The following NME7 variants were observed in gnomAD, a reference collection of about 807,000 sequenced individuals.
NME7 encodes the protein NME/NM23 family member 7.
In NME7, 41 loss-of-function variants were observed where a neutral mutation model predicts 49.1. The observed-to-expected ratio is 0.83, with a 90% CI of 0.65 to 1.08. NME7 has a LOEUF of 1.08. NME7 is among the 50% of genes least tolerant of loss of function. The probability of loss-of-function intolerance (pLI) is 0.00; values close to 1 mark genes in which losing one functional copy is unlikely to be tolerated. For synonymous variants in NME7, 139 were observed against 150.6 expected (o/e 0.92, Z 0.56); for missense variants, 423 against 463.4 (o/e 0.91, Z 0.80).
At chr1:169,239,104 G>C (rs1255773218) in intron 7 of NME7, among the ~76,000 whole-genome samples, 1 of 151,942 alleles carries the variant, frequency 6.6e-6, no homozygotes, top group African/African-American at 2.4e-5. Flanking sequence ...CAACAAAAAT[G>C]TTGAGTGAGA....
rs1184542802 is a variant in NME7 at position 169,262,196 on chromosome 1, T to C, written c.755-24509A>G. Among the ~76,000 whole-genome samples, 4 of 133,728 alleles carry C rather than the reference T, an allele frequency of 3.0e-5. 2 individuals are homozygous for C. The highest frequency in any genetic ancestry group is 7.0e-5 in the Non-Finnish European group (4 of 56,932). 87.7% of individuals were successfully genotyped at this position (133,728 alleles called of 152,430 possible). On this transcript the variant is annotated intron_variant, in intron 7 of 11. Coordinates refer to ENST00000367811, the MANE Select transcript of NME7 (RefSeq NM_013330.5). ...CCATCCGGTAAAGAAGCTCAGGCTA[T>C]ACTACTGAATGATGAGAGGCCACAT...
chr1:169,228,266 A>T (rs1165852981), intron 10 of NME7, among the ~76,000 whole-genome samples: 3 of 152,180 alleles, frequency 2.0e-5, no homozygotes, highest in Non-Finnish European at 4.4e-5. Flanking sequence ...TATTGAATAA[A>T]TGAGAGAACA....
intron 10 of NME7, among the ~76,000 whole-genome samples, chr1:169,224,876 A>C (rs534759088): frequency 1.3e-5 from 2 of 152,300 alleles, no homozygotes; most frequent in Non-Finnish European, 2.9e-5. Flanking sequence ...AGTAAAATTT[A>C]ACAGGTGATA....
At chr1:169,277,534 G>T (rs1348139525) in intron 7 of NME7, among the ~76,000 whole-genome samples, 123 of 87,314 alleles carry the variant, frequency 1.4e-3, no homozygotes, top group South Asian at 0.011. Context: ...TTTTCCATTT[G>T]CTTGGTAGAT....
In NME7 at chr1:169,273,014, T is replaced by C. The variant is rs539553885; in HGVS notation, c.754+14289A>G. The stretch of plus-strand genomic sequence containing the variant: ...CGAACTGGCGTGAGATGGTATCTCA[T>C]TGTGGTTTTGACTTGCATTTCTTTA... On this transcript the variant is annotated intron_variant, in intron 7 of 11. Coordinates refer to ENST00000367811, the MANE Select transcript of NME7 (RefSeq NM_013330.5). Among the ~76,000 whole-genome samples the C allele has an allele frequency of 1.4e-4, 19 of 134,000 alleles. 2 individuals are homozygous for C. The highest frequency in any genetic ancestry group is 4.8e-4 in the African/African-American group (19 of 39,714). 87.9% of individuals were successfully genotyped at this position (134,000 alleles called of 152,430 possible). A position where few individuals can be genotyped will look rare whatever the true frequency, so the allele number is the denominator to read the frequency against.
chr1:169,154,791 C>CT (rs1659019639), intron 11 of NME7, among the ~76,000 whole-genome samples: 1 of 147,410 alleles, frequency 6.8e-6, no homozygotes, highest in Non-Finnish European at 1.5e-5. Context: ...GAGCAAGACT[C>CT]TGTCTAAAAA....
At chr1:169,243,644 T>C (rs757169882) in intron 7 of NME7, among the ~76,000 whole-genome samples, 45 of 152,170 alleles carry the variant, frequency 3.0e-4, no homozygotes, top group Admixed American at 9.2e-4. Flanking sequence ...TCTTTCACCA[T>C]GTAAAGGCAC....
intron 11 of NME7, among the ~76,000 whole-genome samples, chr1:169,163,920 C>T (rs1659322661): frequency 6.6e-6 from 1 of 152,044 alleles, no homozygotes; most frequent in Admixed American, 6.6e-5. Flanking sequence ...ACCATCCTGG[C>T]TAACATGGCA....
rs1651920512 is a variant in NME7, at chr1:169,323,182, T to C, written c.213A>G (p.Arg71=). Residue 71 remains arginine (R), a synonymous_variant, in exon 3 of 12, where the codon CGA becomes CGG. Coordinates refer to ENST00000367811, the MANE Select transcript of NME7 (RefSeq NM_013330.5). The part of the protein sequence containing the change: ...FIGNKVNVFS[R]QLVLIDYGDQ... ...CCCCATAGTCAATTAATACCAGTTG[T>C]CGAGAAAAGACATTCACTTTGTTGC... The C allele has an allele frequency of 5.0e-6, 8 of 1,609,178 alleles. No homozygotes were observed. The highest frequency in any genetic ancestry group is 6.8e-6 in the Non-Finnish European group (8 of 1,177,852).
chr1:169,179,486 C>A (rs1054308943), intron 10 of NME7, among the ~76,000 whole-genome samples: 2 of 152,120 alleles, frequency 1.3e-5, no homozygotes, highest in African/African-American at 4.8e-5. Flanking sequence ...ATAAACTGTT[C>A]TATTATAAAG....
intron 6 of NME7, 113 bp from the exon 7 acceptor site, chr1:169,287,521 A>AT (rs1417028030): frequency 3.0e-5 from 24 of 809,224 alleles, no homozygotes; most frequent in South Asian, 7.3e-5. Context: ...CATCATATAA[A>AT]TTTTTTGTTT....
At chr1:169,238,477 GCA>G (rs138287537) in intron 7 of NME7, among the ~76,000 whole-genome samples, 8,072 of 123,938 alleles carry the variant, frequency 0.065, 253 homozygotes, top group Middle Eastern at 0.086. Context: ...ATGCACAAAG[GCA>G]CACACACACA....
chr1:169,202,668 T>C (rs1257974319), intron 10 of NME7, among the ~76,000 whole-genome samples: 1 of 152,162 alleles, frequency 6.6e-6, no homozygotes, highest in African/African-American at 2.4e-5. Flanking sequence ...TGAAGAATGA[T>C]GAGGTTAATA....
intron 7 of NME7, among the ~76,000 whole-genome samples, chr1:169,283,599 A>G (rs1345021780): frequency 6.6e-6 from 1 of 151,968 alleles, no homozygotes; most frequent in Non-Finnish European, 1.5e-5. Flanking sequence ...GTTCCTTTTC[A>G]TATTTAGTGC....
At chr1:169,350,986 T>C (rs1653152695) in intron 1 of NME7, among the ~76,000 whole-genome samples, 1 of 152,016 alleles carries the variant, frequency 6.6e-6, no homozygotes, top group African/African-American at 2.4e-5. Flanking sequence ...TTTTCTTTCT[T>C]TTTTTTCTTT....
intron 11 of NME7, among the ~76,000 whole-genome samples, chr1:169,136,648 C>T (rs921741085): frequency 1.3e-5 from 2 of 152,202 alleles, no homozygotes; most frequent in African/African-American, 2.4e-5. Context: ...ATTCATGTAA[C>T]ATATTCAACA....
intron 10 of NME7, among the ~76,000 whole-genome samples, chr1:169,170,009 C>A (rs1394116179): frequency 1.3e-5 from 2 of 151,676 alleles, no homozygotes; most frequent in African/African-American, 4.8e-5. Flanking sequence ...TAATGATGTA[C>A]AAAAAAATTT....
chr1:169,225,715 C>T (rs1334696492), intron 10 of NME7, among the ~76,000 whole-genome samples: 6 of 152,210 alleles, frequency 3.9e-5, no homozygotes, highest in African/African-American at 1.2e-4. Flanking sequence ...GTCTTGTGCA[C>T]CCTCTCCTCT....
intron 6 of NME7, among the ~76,000 whole-genome samples, chr1:169,289,961 C>T (rs1157482681): frequency 6.6e-6 from 1 of 151,918 alleles, no homozygotes; most frequent in Admixed American, 6.6e-5. Flanking sequence ...CCAAAGATTC[C>T]TGCTATTACT....
Sources: allele counts gnomAD v4.1 joint callset (sites outside exome capture counted in the v4.1 genomes callset), GRCh38; gene constraint gnomAD v4.1.1; transcripts MANE v1.5; gene names NCBI Gene and HGNC (gene_info 2026-07-23, HGNC 2026-07-21).